The following RARS2 variants were observed in gnomAD, a reference collection of about 807,000 sequenced individuals.
The protein encoded by RARS2 is probable arginine--tRNA ligase, mitochondrial.
RARS2 carries 67 observed loss-of-function variants against 88.5 expected under a neutral mutation model. That is an observed-to-expected ratio of 0.76 (90% CI 0.62 to 0.93). The LOEUF (loss-of-function observed/expected upper bound fraction) is 0.93, where lower values mean the gene tolerates loss of function less well. RARS2 is among the 40% of genes least tolerant of loss of function. The probability of loss-of-function intolerance (pLI) is 0.00; values close to 1 mark genes in which losing one functional copy is unlikely to be tolerated. For missense variants in RARS2, 664 were observed against 684.2 expected, an observed-to-expected ratio of 0.97 and a Z score of 0.33; for synonymous variants, 239 against 230.3, an observed-to-expected ratio of 1.04 and a Z score of -0.34.
chr6:87,546,283 A>G (rs989450825), intron 6 of RARS2, among the ~76,000 whole-genome samples: 1 of 152,134 alleles, frequency 6.6e-6, no homozygotes, highest in Non-Finnish European at 1.5e-5. Flanking sequence ...GAAAATGTAA[A>G]AAGTACAATT....
intron 7 of RARS2, among the ~76,000 whole-genome samples, chr6:87,543,321 A>G (rs1162868025): frequency 1.3e-5 from 2 of 151,600 alleles, no homozygotes; most frequent in Non-Finnish European, 2.9e-5. Flanking sequence ...AACAAAAACA[A>G]AAACAAAAAC....
At chr6:87,580,153 T>C (rs986791073) in intron 1 of RARS2, among the ~76,000 whole-genome samples, 1 of 152,192 alleles carries the variant, frequency 6.6e-6, no homozygotes, top group African/African-American at 2.4e-5. Context: ...TGGATCAGAA[T>C]GTGACCAATG....
In RARS2 at chr6:87,516,790, G is replaced by A. The variant is rs1771887461; in HGVS notation, c.1586+16C>T. On this transcript the variant is annotated intron_variant, in intron 18 of 19. Coordinates refer to ENST00000369536, the MANE Select transcript of RARS2 (RefSeq NM_020320.5). ...AAATGCCATTAACACCTGAAAACAG[G>A]AAGATTATAAAGTACCTTAAAGTTA... 1 of 1,612,744 alleles carries A rather than the reference G, an allele frequency of 6.2e-7. No individual in the cohort carries two copies. The highest frequency in any genetic ancestry group is 8.5e-7 in the Non-Finnish European group (1 of 1,179,352).
rs958534070 is a variant in RARS2, at chr6:87,587,733, C to G, written c.36+2189G>C. ...AAATGTGAATGTGTAGTAACTAGCA[C>G]AAATATATACTCAATATATTAGTTC... On this transcript the variant is annotated intron_variant, in intron 1 of 19. Coordinates refer to ENST00000369536, the MANE Select transcript of RARS2 (RefSeq NM_020320.5). 6.6e-5 allele frequency among the ~76,000 whole-genome samples: 10 copies of G among 152,138 alleles called. 1 individual carries two copies. Among genetic ancestry groups the G allele is most frequent in the African/African-American group, 2.4e-4 (10 of 41,430 alleles).
At chr6:87,526,829 C>A (rs917081882) in intron 10 of RARS2, among the ~76,000 whole-genome samples, 7 of 151,716 alleles carry the variant, frequency 4.6e-5, no homozygotes, top group African/African-American at 1.7e-4. Flanking sequence ...CCCCACCACA[C>A]CCAGCTAATT....
intron 10 of RARS2, among the ~76,000 whole-genome samples, chr6:87,526,231 T>C (rs6906769): frequency 0.61 from 92,655 of 151,990 alleles, 29,040 homozygotes; most frequent in African/African-American, 0.75. Flanking sequence ...AAGAATAAAG[T>C]TGGGCCAGCT....
At chr6:87,568,593 C>T (rs1372780877) in intron 2 of RARS2, among the ~76,000 whole-genome samples, 1 of 152,188 alleles carries the variant, frequency 6.6e-6, no homozygotes, top group African/African-American at 2.4e-5. Flanking sequence ...TGGAAGGTTA[C>T]ATCTATTTAC....
At position 87,519,850 on chromosome 6, in the gene RARS2, T is replaced by A. The variant is rs543870405; in HGVS notation, c.1113-143A>T. 4.0e-6 allele frequency: 4 copies of A among 1,011,222 alleles called. No homozygotes were observed. In the South Asian group the frequency reaches 5.5e-5, roughly 14 times the overall value. The allele number at this position is 1,011,222 out of a possible 1,614,324, so 62.6% of individuals were successfully genotyped here. A position where few individuals can be genotyped will look rare whatever the true frequency, so the allele number is the denominator to read the frequency against. On this transcript the variant is annotated intron_variant, in intron 13 of 19. Coordinates refer to ENST00000369536, the MANE Select transcript of RARS2 (RefSeq NM_020320.5). ...AATAAAATGAAATTGATGTGATTTG[T>A]ATGCTACAAAGGACGTTAAGCACAG...
At chr6:87,555,551 T>C in intron 4 of RARS2, 46 bp from the exon 5 acceptor site, 1 of 1,377,156 alleles carries the variant, frequency 7.3e-7, no homozygotes, top group Non-Finnish European at 1.0e-6. Context: ...ATTACAATGC[T>C]TTTAATTACT....
intron 1 of RARS2, among the ~76,000 whole-genome samples, chr6:87,571,579 T>A (rs909721453): frequency 2.1e-4 from 32 of 152,232 alleles, no homozygotes; most frequent in African/African-American, 7.5e-4. Flanking sequence ...TACATGGCTG[T>A]AGAATTGGGA....
At chr6:87,582,136 T>C (rs878937715) in intron 1 of RARS2, among the ~76,000 whole-genome samples, 1 of 152,208 alleles carries the variant, frequency 6.6e-6, no homozygotes, top group Non-Finnish European at 1.5e-5. Flanking sequence ...ATGGGATTGC[T>C]GGGCCAGATG....
intron 1 of RARS2, among the ~76,000 whole-genome samples, chr6:87,576,439 G>T (rs1463079684): frequency 9.0e-6 from 1 of 110,750 alleles, no homozygotes; most frequent in Admixed American, 1.1e-4. Context: ...ACCACGCCCG[G>T]CTAATTTTTT....
Position 87,572,642 on chromosome 6 carries a change from G to A in RARS2, c.37-3052C>T, listed in dbSNP as rs184566794. Among the ~76,000 whole-genome samples, 612 of 152,078 alleles carry A rather than the reference G, an allele frequency of 4.0e-3. 3 individuals are homozygous for A. Among genetic ancestry groups the A allele is most frequent in the South Asian group, 0.016 (77 of 4,816 alleles). On this transcript the variant is annotated intron_variant, in intron 1 of 19. Coordinates refer to ENST00000369536, the MANE Select transcript of RARS2 (RefSeq NM_020320.5). ...CAGCGGCTCACAATCATACTTCACT[G>A]TAGCCTCGACCTCCTGGTCTCAAAT...
At chr6:87,548,785 AT>A in intron 5 of RARS2, 139 bp from the exon 6 acceptor site, 1 of 750,354 alleles carries the variant, frequency 1.3e-6, no homozygotes, top group Non-Finnish European at 2.2e-6. Flanking sequence ...AAAGTTAAAA[AT>A]TTAGAGCAAA....
chr6:87,520,545 G>A (rs1434708001), intron 12 of RARS2, among the ~76,000 whole-genome samples: 1 of 151,992 alleles, frequency 6.6e-6, no homozygotes, highest in Non-Finnish European at 1.5e-5. Context: ...TATGACCCTG[G>A]TCTCTGAGAC....
intron 1 of RARS2, among the ~76,000 whole-genome samples, chr6:87,584,058 T>C (rs1056541256): frequency 2.0e-5 from 3 of 152,210 alleles, no homozygotes; most frequent in Admixed American, 1.3e-4. Flanking sequence ...CTTTCAAGGA[T>C]ACAGATTTGT....
intron 12 of RARS2, among the ~76,000 whole-genome samples, chr6:87,520,457 A>C (rs1773477965): frequency 6.6e-6 from 1 of 152,180 alleles, no homozygotes; most frequent in Non-Finnish European, 1.5e-5. Context: ...TAAGAGCCAT[A>C]CAACTCCACC....
chr6:87,574,734 T>C (rs929234056), intron 1 of RARS2, among the ~76,000 whole-genome samples: 2 of 152,130 alleles, frequency 1.3e-5, no homozygotes, highest in African/African-American at 4.8e-5. Flanking sequence ...TTACTGAGAA[T>C]GTGAATAAAA....
At chr6:87,536,295 C>A (rs1036706157) in intron 8 of RARS2, among the ~76,000 whole-genome samples, 4 of 151,822 alleles carry the variant, frequency 2.6e-5, no homozygotes, top group Non-Finnish European at 5.9e-5. Context: ...ATGATGACAC[C>A]CTCATATCCA....
Sources: gnomAD v4.1 joint callset for allele counts (sites outside exome capture counted in the v4.1 genomes callset) on GRCh38, gnomAD v4.1.1 for gene constraint, MANE v1.5 for transcripts, NCBI Gene and HGNC (gene_info 2026-07-23, HGNC 2026-07-21) for gene names.